ARHGAP26: variants seen among roughly 807,000 people sequenced by gnomAD.
ARHGAP26 encodes rho GTPase-activating protein 26.
A neutral mutation model predicts 104.8 loss-of-function variants in ARHGAP26; 38 were observed. The observed-to-expected ratio is 0.36, with a 90% CI of 0.28 to 0.48. ARHGAP26 has a LOEUF of 0.48. Ranked by LOEUF, ARHGAP26 falls within the 20% of genes least tolerant of loss-of-function variation. The probability of loss-of-function intolerance (pLI) is 0.99; values close to 1 mark genes in which losing one functional copy is unlikely to be tolerated. For missense variants in ARHGAP26, 704 were observed against 947.9 expected (o/e 0.74, Z 3.38); for synonymous variants, 341 against 340.0 (o/e 1.00, Z -0.03).
At chr5:142,829,590 T>C (rs1438089463) in intron 1 of ARHGAP26, among the ~76,000 whole-genome samples, 1 of 152,242 alleles carries the variant, frequency 6.6e-6, no homozygotes, top group Non-Finnish European at 1.5e-5. Flanking sequence ...ATATAATTGG[T>C]ATTTATCTCT....
intron 20 of ARHGAP26, among the ~76,000 whole-genome samples, chr5:143,204,558 T>C (rs1295966660): frequency 2.0e-5 from 3 of 152,194 alleles, no homozygotes; most frequent in African/African-American, 7.2e-5. Context: ...ACTACGGTAA[T>C]TGACATGGGG....
intron 17 of ARHGAP26, among the ~76,000 whole-genome samples, chr5:143,108,879 ACAAGCTCTCAGCG>A (rs1429611964): frequency 6.6e-5 from 10 of 152,168 alleles, no homozygotes; most frequent in Non-Finnish European, 1.0e-4. Context: ...TTGGGAAGTG[ACAAGCTCTCAGCG>A]CAAGCTCTCA....
At chr5:142,813,842 T>C (rs890905446) in intron 1 of ARHGAP26, among the ~76,000 whole-genome samples, 4 of 152,248 alleles carry the variant, frequency 2.6e-5, no homozygotes, top group African/African-American at 4.8e-5. Context: ...GGGGCCTCAA[T>C]TCAGCCCTTG....
At chr5:143,113,693 G>A (rs538609174) in intron 17 of ARHGAP26, among the ~76,000 whole-genome samples, 3 of 152,276 alleles carry the variant, frequency 2.0e-5, no homozygotes, top group Non-Finnish European at 4.4e-5. Flanking sequence ...AAGAAACAGT[G>A]TTTAGTCCAG....
At chr5:142,813,906 G>T (rs1018417703) in intron 1 of ARHGAP26, among the ~76,000 whole-genome samples, 1 of 152,214 alleles carries the variant, frequency 6.6e-6, no homozygotes, top group African/African-American at 2.4e-5. Context: ...CCTAAGCCTT[G>T]AGTTCCTCAG....
chr5:143,147,495 A>T, intron 20 of ARHGAP26, 114 bp downstream of exon 20: 1 of 1,261,820 alleles, frequency 7.9e-7, no homozygotes, highest in South Asian at 1.6e-5. Flanking sequence ...ACATTATTTA[A>T]ACCTCCTCCC....
chr5:142,840,266 C>T (rs1770497549), intron 1 of ARHGAP26, among the ~76,000 whole-genome samples: 1 of 152,134 alleles, frequency 6.6e-6, no homozygotes, highest in East Asian at 1.9e-4. Flanking sequence ...TTGGGTGGAA[C>T]CTGAACTGTG....
chr5:142,907,207 G>T (rs1562056659), intron 8 of ARHGAP26: 1 of 152,212 alleles, frequency 6.6e-6, no homozygotes, highest in Non-Finnish European at 1.5e-5. Flanking sequence ...GTAAGTTAGG[G>T]GTTTGGAAGT....
intron 20 of ARHGAP26, chr5:143,203,755 A>T (rs1007667271): frequency 1.3e-5 from 2 of 152,252 alleles, no homozygotes; most frequent in Non-Finnish European, 2.9e-5. Context: ...AAAAAGGATG[A>T]CTTCATGTCC....
chr5:142,978,328 A>G (rs919273258), intron 11 of ARHGAP26, among the ~76,000 whole-genome samples: 2 of 152,166 alleles, frequency 1.3e-5, no homozygotes, highest in Non-Finnish European at 2.9e-5. Context: ...AGGAGGTATG[A>G]GATAATGTGT....
chr5:142,966,666 G>A (rs1771394415), intron 11 of ARHGAP26, among the ~76,000 whole-genome samples: 1 of 152,192 alleles, frequency 6.6e-6, no homozygotes, highest in African/African-American at 2.4e-5. Flanking sequence ...GTCTGTAATT[G>A]AGAAGAAGAA....
chr5:143,180,802 G>A (rs1804224931), intron 20 of ARHGAP26, among the ~76,000 whole-genome samples: 1 of 152,174 alleles, frequency 6.6e-6, no homozygotes, highest in Non-Finnish European at 1.5e-5. Context: ...AGATTTAGAT[G>A]AGGACGCAGC....
chr5:143,074,190 AC>A (rs1261067966), intron 17 of ARHGAP26, among the ~76,000 whole-genome samples: 5 of 152,130 alleles, frequency 3.3e-5, no homozygotes, highest in Non-Finnish European at 5.9e-5. Flanking sequence ...TTAATTAGTG[AC>A]CTTTCCTGTT....
intron 17 of ARHGAP26, among the ~76,000 whole-genome samples, chr5:143,077,912 C>A (rs968521241): frequency 6.6e-6 from 1 of 152,172 alleles, no homozygotes; most frequent in Non-Finnish European, 1.5e-5. Context: ...CTCCCCTCCC[C>A]CAACCCTGGT....
chr5:142,932,673 A>G (rs146948830), intron 11 of ARHGAP26, among the ~76,000 whole-genome samples: 2 of 152,362 alleles, frequency 1.3e-5, no homozygotes, highest in East Asian at 3.9e-4. Context: ...CAGTCTAACT[A>G]TGTGCCACCA....
At chr5:142,953,931 A>G (rs940074671) in intron 11 of ARHGAP26, among the ~76,000 whole-genome samples, 3 of 151,932 alleles carry the variant, frequency 2.0e-5, no homozygotes, top group African/African-American at 7.3e-5. Context: ...CTAGAACCAC[A>G]CTCTTCAGAC....
At chr5:142,892,970 A>ACCCCCCCC (rs1401577164) in intron 5 of ARHGAP26, among the ~76,000 whole-genome samples, 1 of 44,940 alleles carries the variant, frequency 2.2e-5, no homozygotes, top group African/African-American at 8.3e-5. Context: ...CATCCTTCCC[A>ACCCCCCCC]CCCCACCCCA....
chr5:143,121,225 T>C, intron 18 of ARHGAP26, 78 bp downstream of exon 18: 1 of 1,473,860 alleles, frequency 6.8e-7, no homozygotes. Context: ...CAGAGTTGGC[T>C]CAGATTTGCA....
chr5:142,873,932 A>AC (rs1218427622), intron 2 of ARHGAP26, among the ~76,000 whole-genome samples: 1 of 152,206 alleles, frequency 6.6e-6, no homozygotes, highest in East Asian at 1.9e-4. Context: ...AAATTGAATT[A>AC]CCATATAAAT....
Sources: allele counts gnomAD v4.1 joint callset (sites outside exome capture counted in the v4.1 genomes callset), GRCh38; gene constraint gnomAD v4.1.1; transcripts MANE v1.5; gene names NCBI Gene and HGNC (gene_info 2026-07-23, HGNC 2026-07-21).